CHN1: variants seen among roughly 807,000 people sequenced by gnomAD.
The protein encoded by CHN1 is chimerin 1.
A neutral mutation model predicts 59.5 loss-of-function variants in CHN1; 37 were observed. The observed-to-expected ratio is 0.62, with a 90% CI of 0.48 to 0.82. CHN1 has a LOEUF of 0.82. CHN1 is among the 40% of genes least tolerant of loss of function. The pLI, the probability that CHN1 is intolerant of heterozygous loss-of-function variation, is 0.00. For missense variants in CHN1, 469 were observed against 571.0 expected (o/e 0.82, Z 1.82); for synonymous variants, 206 against 200.4 (o/e 1.03, Z -0.24).
intron 1 of CHN1, among the ~76,000 whole-genome samples, chr2:174,961,311 G>C (rs1227976970): frequency 1.3e-5 from 2 of 152,130 alleles, no homozygotes; most frequent in Non-Finnish European, 2.9e-5. Flanking sequence ...AGCCAGCTGG[G>C]TGTGGTGGCT....
intron 7 of CHN1, among the ~76,000 whole-genome samples, chr2:174,831,314 T>C (rs1039320178): frequency 5.9e-5 from 9 of 152,200 alleles, no homozygotes; most frequent in Middle Eastern, 3.2e-3. Context: ...CGCTATGTTT[T>C]TGAGGGAGAA....
chr2:174,940,392 C>T (rs1428927952), intron 3 of CHN1, among the ~76,000 whole-genome samples: 1 of 152,112 alleles, frequency 6.6e-6, no homozygotes, highest in Middle Eastern at 3.2e-3. Context: ...TTACCTAATA[C>T]AGTCCATACT....
intron 8 of CHN1, among the ~76,000 whole-genome samples, chr2:174,818,656 C>T (rs1685365387): frequency 6.8e-6 from 1 of 147,672 alleles, no homozygotes; most frequent in African/African-American, 2.7e-5. Flanking sequence ...ACTATTAAAC[C>T]ACATTTCTCC....
intron 1 of CHN1, among the ~76,000 whole-genome samples, chr2:174,997,056 C>T (rs1691732539): frequency 1.3e-5 from 2 of 152,182 alleles, no homozygotes; most frequent in African/African-American, 4.8e-5. Flanking sequence ...TTGTCTGTCT[C>T]CCTCCACTGC....
intron 6 of CHN1, among the ~76,000 whole-genome samples, chr2:174,871,014 A>G (rs1687388260): frequency 6.6e-6 from 1 of 152,072 alleles, no homozygotes; most frequent in Non-Finnish European, 1.5e-5. Flanking sequence ...GCCTTCAATT[A>G]CTGATCTTTT....
At chr2:174,967,411 C>T (rs918152839) in intron 1 of CHN1, among the ~76,000 whole-genome samples, 4 of 152,092 alleles carry the variant, frequency 2.6e-5, no homozygotes, top group Admixed American at 1.3e-4. Flanking sequence ...CTTTATAATT[C>T]ATCCTTAAAA....
At chr2:174,985,691 T>C (rs1054715461) in intron 1 of CHN1, among the ~76,000 whole-genome samples, 3 of 152,200 alleles carry the variant, frequency 2.0e-5, no homozygotes, top group Non-Finnish European at 4.4e-5. Flanking sequence ...ACAAAGGATT[T>C]TGGCTCCTAT....
chr2:174,839,202 A>T (rs1686202285), intron 7 of CHN1, among the ~76,000 whole-genome samples: 1 of 150,784 alleles, frequency 6.6e-6, no homozygotes, highest in Non-Finnish European at 1.5e-5. Context: ...ATCTACTCTC[A>T]GAGAGATTTT....
intron 11 of CHN1, among the ~76,000 whole-genome samples, chr2:174,804,733 C>G (rs1340053614): frequency 6.6e-6 from 1 of 152,134 alleles, no homozygotes; most frequent in Non-Finnish European, 1.5e-5. Context: ...GACGAGGCCT[C>G]TATTAACTGA....
intron 1 of CHN1, among the ~76,000 whole-genome samples, chr2:174,987,036 G>A (rs999823621): frequency 2.6e-5 from 4 of 152,118 alleles, no homozygotes; most frequent in Admixed American, 6.5e-5. Flanking sequence ...ACGCCCAGCC[G>A]ATTTTATTAT....
chr2:174,878,355 C>T (rs1282216644), intron 5 of CHN1, among the ~76,000 whole-genome samples: 1 of 152,076 alleles, frequency 6.6e-6, no homozygotes, highest in Non-Finnish European at 1.5e-5. Flanking sequence ...AAAAGCATGC[C>T]TACCATAGAA....
chr2:174,854,586 T>C (rs1558953700), intron 6 of CHN1, among the ~76,000 whole-genome samples: 1 of 152,234 alleles, frequency 6.6e-6, no homozygotes, highest in Non-Finnish European at 1.5e-5. Flanking sequence ...CTGTCATTTA[T>C]TGGCTATGGC....
chr2:174,979,554 C>T (rs2105447768), intron 1 of CHN1, among the ~76,000 whole-genome samples: 1 of 152,184 alleles, frequency 6.6e-6, no homozygotes, highest in East Asian at 1.9e-4. Flanking sequence ...GTGGCTCATG[C>T]CTGTAATCCC....
chr2:174,861,950 A>T (rs1012830987), intron 6 of CHN1, among the ~76,000 whole-genome samples: 3 of 152,208 alleles, frequency 2.0e-5, no homozygotes, highest in African/African-American at 7.2e-5. Context: ...CTCTGCAATA[A>T]ATTCCAAGAA....
chr2:174,960,040 GA>G (rs760968497), intron 1 of CHN1, among the ~76,000 whole-genome samples: 7 of 152,200 alleles, frequency 4.6e-5, no homozygotes, highest in Non-Finnish European at 1.0e-4. Flanking sequence ...AGGCAGATGG[GA>G]TGACTCTGGG....
chr2:174,915,204 T>G, intron 4 of CHN1, 33 bp from the exon 5 acceptor site: 1 of 1,494,796 alleles, frequency 6.7e-7, no homozygotes, highest in Non-Finnish European at 9.2e-7. Flanking sequence ...AAACTGTGCT[T>G]TCTACATTTT....
In CHN1 at chr2:174,873,623, A is replaced by G. The variant is rs574298518; in HGVS notation, c.549+4217T>C. Among the ~76,000 whole-genome samples the G allele has an allele frequency of 2.6e-5, 4 of 152,336 alleles. No homozygotes were observed. In the East Asian group the frequency reaches 7.7e-4, roughly 29 times the overall value. ...GCTATTCCAGGGAACAAAGACTCCT[A>G]TCATTCTGTGGAGGTATCCAAAGAA... On this transcript the variant is annotated intron_variant, in intron 6 of 12. Coordinates refer to ENST00000409900, the MANE Select transcript of CHN1 (RefSeq NM_001822.7).
chr2:174,842,704 C>G (rs1686355310), intron 7 of CHN1, among the ~76,000 whole-genome samples: 1 of 152,212 alleles, frequency 6.6e-6, no homozygotes, highest in Non-Finnish European at 1.5e-5. Flanking sequence ...GTTCACCAGA[C>G]AGCACAGTGT....
intron 6 of CHN1, among the ~76,000 whole-genome samples, chr2:174,852,941 T>G (rs1429316051): frequency 1.3e-5 from 2 of 152,180 alleles, no homozygotes. Flanking sequence ...TTTCACCATA[T>G]ACAAAACTTA....
Sources: gnomAD v4.1 joint callset for allele counts (sites outside exome capture counted in the v4.1 genomes callset) on GRCh38, gnomAD v4.1.1 for gene constraint, MANE v1.5 for transcripts, NCBI Gene and HGNC (gene_info 2026-07-23, HGNC 2026-07-21) for gene names.